Variants in CDH12 observed in about 807,000 individuals in gnomAD.
The protein encoded by CDH12 is cadherin 12, also known as cadherin-12.
In CDH12, 41 loss-of-function variants were observed where a neutral mutation model predicts 74.1. That is an observed-to-expected ratio of 0.55 (90% confidence interval 0.43 to 0.72). The LOEUF (loss-of-function observed/expected upper bound fraction) is 0.72, where lower values mean the gene tolerates loss of function less well. Among genes scored for constraint, CDH12 ranks in the 30% least tolerant of loss-of-function variants. The pLI is 0.00. For synonymous variants in CDH12, 399 were observed against 355.0 expected (o/e 1.12, Z -1.39); for missense variants, 945 against 977.2 (o/e 0.97, Z 0.44).
chr5:21,958,707 T>C (rs946560303), intron 6 of CDH12, among the ~76,000 whole-genome samples: 5 of 152,168 alleles, frequency 3.3e-5, no homozygotes, highest in Non-Finnish European at 7.4e-5. Context: ...CCCTGTAGTA[T>C]AGTTTGAGGT....
chr5:22,739,539 T>C (rs898349996), intron 1 of CDH12, among the ~76,000 whole-genome samples: 16 of 152,026 alleles, frequency 1.1e-4, no homozygotes, highest in African/African-American at 2.7e-4. Context: ...TTCTGTACAG[T>C]AGTCTACCTT....
intron 6 of CDH12, among the ~76,000 whole-genome samples, chr5:21,907,787 A>C (rs1032925107): frequency 6.6e-6 from 1 of 152,206 alleles, no homozygotes; most frequent in Non-Finnish European, 1.5e-5. Flanking sequence ...CCCTTAAATA[A>C]AATGAAAGAT....
chr5:22,042,889 CAAA>C (rs1171549252), intron 5 of CDH12, among the ~76,000 whole-genome samples: 1,525 of 55,936 alleles, frequency 0.027, 22 homozygotes, highest in African/African-American at 0.076. Flanking sequence ...GATTCTATCT[CAAA>C]AAAAAAAAAA....
chr5:22,401,704 A>G (rs563926529), intron 3 of CDH12, among the ~76,000 whole-genome samples: 68 of 152,314 alleles, frequency 4.5e-4, no homozygotes, highest in Non-Finnish European at 9.1e-4. Flanking sequence ...TGAGGGTGAC[A>G]TTATTTCAGA....
At chr5:22,085,607 C>A (rs898341097) in intron 4 of CDH12, among the ~76,000 whole-genome samples, 3 of 152,036 alleles carry the variant, frequency 2.0e-5, no homozygotes, top group East Asian at 1.9e-4. Context: ...CCCACCTCCT[C>A]TTGTGAATAG....
At chr5:22,370,979 TG>T (rs1298527518) in intron 3 of CDH12, among the ~76,000 whole-genome samples, 1 of 152,132 alleles carries the variant, frequency 6.6e-6, no homozygotes, top group Non-Finnish European at 1.5e-5. Flanking sequence ...AATTACTTTT[TG>T]TTTGGAAGCT....
At chr5:22,309,582 T>C (rs921587112) in intron 3 of CDH12, among the ~76,000 whole-genome samples, 2 of 152,166 alleles carry the variant, frequency 1.3e-5, no homozygotes, top group African/African-American at 4.8e-5. Flanking sequence ...ACTGTGTGTG[T>C]GTATGTGCGT....
intron 3 of CDH12, among the ~76,000 whole-genome samples, chr5:22,307,873 G>GTTTTTTTTTTTTTTTT (rs35242143): frequency 2.2e-4 from 15 of 68,658 alleles, no homozygotes; most frequent in South Asian, 7.5e-4. Flanking sequence ...CTTTCTTTTA[G>GTTTTTTTTTTTTTTTT]TTTTTTTTTT....
intron 5 of CDH12, among the ~76,000 whole-genome samples, chr5:22,028,568 C>T (rs1384849850): frequency 2.0e-5 from 3 of 152,190 alleles, no homozygotes; most frequent in Non-Finnish European, 2.9e-5. Context: ...CGTGAAGGAC[C>T]TCTTCAAGGA....
intron 2 of CDH12, among the ~76,000 whole-genome samples, chr5:22,413,208 G>T (rs977397888): frequency 6.6e-6 from 1 of 151,948 alleles, no homozygotes; most frequent in South Asian, 2.1e-4. Context: ...AAATTTAAAC[G>T]ATTTTTGCAG....
chr5:21,762,089 C>T (rs146044828), intron 12 of CDH12, among the ~76,000 whole-genome samples: 16 of 152,176 alleles, frequency 1.1e-4, no homozygotes, highest in African/African-American at 3.4e-4. Flanking sequence ...GTATCTTATC[C>T]GGGGACTAAT....
At chr5:22,134,190 A>G (rs1269182687) in intron 4 of CDH12, among the ~76,000 whole-genome samples, 2 of 152,090 alleles carry the variant, frequency 1.3e-5, no homozygotes, top group African/African-American at 4.8e-5. Flanking sequence ...GTAGATGAAG[A>G]GTTCTACCCA....
At chr5:21,790,461 C>T (rs1338214577) in intron 10 of CDH12, among the ~76,000 whole-genome samples, 4 of 152,038 alleles carry the variant, frequency 2.6e-5, no homozygotes, top group Non-Finnish European at 4.4e-5. Context: ...TTAACCACCA[C>T]TGAGATGCAA....
chr5:21,829,048 C>A (rs955600324), intron 8 of CDH12, among the ~76,000 whole-genome samples: 6 of 152,072 alleles, frequency 3.9e-5, no homozygotes, highest in African/African-American at 1.2e-4. Flanking sequence ...GTAATCCCAG[C>A]ATTTTGGGAG....
chr5:21,762,699 T>C (rs1469984382), intron 12 of CDH12, among the ~76,000 whole-genome samples: 5 of 152,118 alleles, frequency 3.3e-5, no homozygotes, highest in Non-Finnish European at 7.4e-5. Context: ...AAAAATAACA[T>C]TGATTTCAAC....
At chr5:21,752,781 A>C (rs985236045) in intron 14 of CDH12, among the ~76,000 whole-genome samples, 2 of 151,894 alleles carry the variant, frequency 1.3e-5, no homozygotes, top group Non-Finnish European at 2.9e-5. Context: ...AAGGAAGTAG[A>C]GGAAGAAAGG....
chr5:22,377,450 C>A lies in CDH12; in HGVS notation c.-333+27807G>T, dbSNP rs573599877. Among the ~76,000 whole-genome samples, 32 of 152,240 alleles carry A rather than the reference C, an allele frequency of 2.1e-4. No homozygotes were observed. The East Asian group carries it at 6.2e-3, about 29-fold the overall frequency. ...CCTTCCTGGTGGAATAGGATGGCTT[C>A]CAGCACAGTGAGGGCCAAGTGTGTC... On this transcript the variant is annotated intron_variant, in intron 3 of 14. Transcript: ENST00000382254.
chr5:22,224,570 G>A (rs1012509563), intron 3 of CDH12, among the ~76,000 whole-genome samples: 1 of 152,002 alleles, frequency 6.6e-6, no homozygotes, highest in African/African-American at 2.4e-5. Flanking sequence ...ATGTAGGTAC[G>A]TATGTAGTTT....
At chr5:22,652,838 A>G (rs1287833568) in intron 1 of CDH12, among the ~76,000 whole-genome samples, 1 of 152,172 alleles carries the variant, frequency 6.6e-6, no homozygotes, top group Non-Finnish European at 1.5e-5. Context: ...CTGCAAAGAA[A>G]CAGTAAGAAA....
Sources: allele counts gnomAD v4.1 joint callset (sites outside exome capture counted in the v4.1 genomes callset), GRCh38; gene constraint gnomAD v4.1.1; transcripts MANE v1.5; gene names NCBI Gene and HGNC (gene_info 2026-07-23, HGNC 2026-07-21).